The following ULK4 variants were observed in gnomAD, a reference collection of about 807,000 sequenced individuals.
The protein encoded by ULK4 is unc-51 like kinase 4.
A neutral mutation model predicts 160.6 loss-of-function variants in ULK4; 133 were observed. That is an observed-to-expected ratio of 0.83 (90% confidence interval 0.72 to 0.96). The LOEUF is 0.96. Ranked by LOEUF, ULK4 falls within the 40% of genes least tolerant of loss-of-function variation. The pLI is 0.00. For synonymous variants in ULK4, 534 were observed against 539.8 expected (o/e 0.99, Z 0.15); for missense variants, 1,580 against 1,499.5 (o/e 1.05, Z -0.89).
intron 35 of ULK4, among the ~76,000 whole-genome samples, chr3:41,376,200 T>C (rs973733026): frequency 2.0e-5 from 3 of 150,344 alleles, no homozygotes; most frequent in East Asian, 4.1e-4. Context: ...TCAACCATTG[T>C]GGAAGACAGT....
intron 30 of ULK4, among the ~76,000 whole-genome samples, chr3:41,644,166 T>A (rs58859258): frequency 1.3e-5 from 2 of 152,136 alleles, no homozygotes; most frequent in African/African-American, 4.8e-5. Context: ...CCTTTTTTCC[T>A]AATTGAATAC....
chr3:41,307,093 C>T (rs200465952), intron 35 of ULK4, among the ~76,000 whole-genome samples: 3,190 of 150,864 alleles, frequency 0.021, 77 homozygotes, highest in African/African-American at 0.066. Context: ...CACTATTGTC[C>T]TATGACCCTG....
chr3:41,559,145 C>A (rs1405608586), intron 32 of ULK4, among the ~76,000 whole-genome samples: 1 of 149,436 alleles, frequency 6.7e-6, no homozygotes, highest in South Asian at 2.2e-4. Flanking sequence ...TCTGTCCTTG[C>A]GATAGTTTAC....
intron 25 of ULK4, among the ~76,000 whole-genome samples, chr3:41,706,333 A>G (rs1422759673): frequency 6.8e-6 from 1 of 147,554 alleles, no homozygotes; most frequent in African/African-American, 2.5e-5. Flanking sequence ...AGTTCTTGCC[A>G]CTAATAAACA....
intron 31 of ULK4, among the ~76,000 whole-genome samples, chr3:41,589,374 T>C (rs1180392776): frequency 7.2e-6 from 1 of 139,200 alleles, no homozygotes; most frequent in Non-Finnish European, 1.5e-5. Context: ...AAGGTTCCAG[T>C]GGATTTTTGA....
At chr3:41,578,099 A>C (rs1044512384) in intron 31 of ULK4, among the ~76,000 whole-genome samples, 17 of 152,224 alleles carry the variant, frequency 1.1e-4, no homozygotes, top group Non-Finnish European at 1.2e-4. Context: ...TGGATCTAAT[A>C]GAATTTTTCA....
chr3:41,380,553 G>A lies in ULK4; in HGVS notation c.3678+17526C>T, dbSNP rs568770617. Among the ~76,000 whole-genome samples, 6 of 152,126 alleles carry A rather than the reference G, an allele frequency of 3.9e-5. No individual in the cohort carries two copies. In the East Asian group the frequency reaches 7.8e-4, roughly 20 times the overall value. On this transcript the variant is annotated intron_variant, in intron 35 of 36. Coordinates refer to ENST00000301831, the MANE Select transcript of ULK4 (RefSeq NM_017886.4). Reference sequence around the variant, plus strand: ...TCACCTCTGTCCTGGCTGGAATCAGGAGTCATCCCAGAACTCTTCAGGCTC... The same window carrying A: ...TCACCTCTGTCCTGGCTGGAATCAGAAGTCATCCCAGAACTCTTCAGGCTC...
intron 20 of ULK4, among the ~76,000 whole-genome samples, chr3:41,799,686 A>G (rs2040398646): frequency 6.6e-6 from 1 of 151,918 alleles, no homozygotes; most frequent in African/African-American, 2.4e-5. Context: ...ACATGACAAG[A>G]CCCCATCTCT....
intron 32 of ULK4, among the ~76,000 whole-genome samples, chr3:41,524,086 G>A (rs996736295): frequency 3.3e-5 from 5 of 152,106 alleles, no homozygotes; most frequent in Non-Finnish European, 5.9e-5. Context: ...AATCTATAAC[G>A]ACAAAGTAGC....
chr3:41,744,228 G>A lies in ULK4; in HGVS notation c.2321+10133C>T, dbSNP rs554654637. On this transcript the variant is annotated intron_variant, in intron 22 of 36. Transcript: ENST00000301831. The stretch of plus-strand genomic sequence containing the variant: ...ATCAGTAATCATCTTAAATGTAAAT[G>A]GTCCAAACATACCAATTAAAAGGCA... 5.3e-5 allele frequency among the ~76,000 whole-genome samples: 8 copies of A among 151,896 alleles called. No homozygotes were observed. In the East Asian group the frequency reaches 1.5e-3, roughly 29 times the overall value.
At chr3:41,544,956 C>T (rs1559381991) in intron 32 of ULK4, among the ~76,000 whole-genome samples, 1 of 152,192 alleles carries the variant, frequency 6.6e-6, no homozygotes, top group Non-Finnish European at 1.5e-5. Context: ...TACACTGCCA[C>T]CAACTCACTG....
intron 33 of ULK4, among the ~76,000 whole-genome samples, chr3:41,460,228 A>T (rs1381138441): frequency 6.6e-6 from 1 of 152,200 alleles, no homozygotes; most frequent in African/African-American, 2.4e-5. Context: ...TCCTACTATC[A>T]GGAGGATGAG....
intron 32 of ULK4, among the ~76,000 whole-genome samples, chr3:41,476,138 A>C (rs1479315313): frequency 3.3e-5 from 5 of 152,094 alleles, no homozygotes; most frequent in African/African-American, 9.7e-5. Context: ...TGACACCACC[A>C]GTGGTCCATA....
intron 17 of ULK4, among the ~76,000 whole-genome samples, chr3:41,841,466 G>A (rs985505530): frequency 6.6e-6 from 1 of 150,784 alleles, no homozygotes; most frequent in African/African-American, 2.4e-5. Context: ...CGCCCCGTCT[G>A]GGAGGTGAGG....
intron 8 of ULK4, 102 bp downstream of exon 8, chr3:41,915,875 G>C: frequency 1.3e-6 from 1 of 770,048 alleles, no homozygotes; most frequent in Non-Finnish European, 2.1e-6. Context: ...GTACATAAAA[G>C]GGGGAAAAGA....
chr3:41,799,670 T>C (rs2040398343), intron 20 of ULK4, among the ~76,000 whole-genome samples: 1 of 152,124 alleles, frequency 6.6e-6, no homozygotes. Context: ...AAGACCAGCC[T>C]GGGCAACATG....
chr3:41,720,891 A>T (rs917721965), intron 22 of ULK4, among the ~76,000 whole-genome samples: 1 of 152,212 alleles, frequency 6.6e-6, no homozygotes, highest in African/African-American at 2.4e-5. Context: ...CAATAGATAT[A>T]CCTGTACACA....
chr3:41,960,419 G>A (rs1238302152), intron 1 of ULK4, among the ~76,000 whole-genome samples: 1 of 151,120 alleles, frequency 6.6e-6, no homozygotes, highest in African/African-American at 2.4e-5. Flanking sequence ...CTGGTGTGCA[G>A]GGGCAAGATC....
chr3:41,630,755 C>T (rs1310727333), intron 30 of ULK4, among the ~76,000 whole-genome samples: 1 of 152,186 alleles, frequency 6.6e-6, no homozygotes, highest in Non-Finnish European at 1.5e-5. Context: ...AGTTCCCTTC[C>T]CCCTGCCTCC....
Sources: allele counts gnomAD v4.1 joint callset (sites outside exome capture counted in the v4.1 genomes callset), GRCh38; gene constraint gnomAD v4.1.1; transcripts MANE v1.5; gene names NCBI Gene and HGNC (gene_info 2026-07-23, HGNC 2026-07-21).